CFAP299: variants seen among roughly 807,000 people sequenced by gnomAD.
CFAP299 encodes the protein cilia and flagella associated protein 299.
A neutral mutation model predicts 27.0 loss-of-function variants in CFAP299; 21 were observed. That is an observed-to-expected ratio of 0.78 (90% CI 0.55 to 1.12). CFAP299 has a LOEUF of 1.12. Ranked by LOEUF, CFAP299 falls within the 50% of genes most tolerant of loss-of-function variation. The pLI, the probability that CFAP299 is intolerant of heterozygous loss-of-function variation, is 0.00. For missense variants in CFAP299, 310 were observed against 276.6 expected (o/e 1.12, Z -0.86); for synonymous variants, 104 against 98.1 (o/e 1.06, Z -0.36).
At chr4:80,477,133 C>T (rs1248297823) in intron 2 of CFAP299, among the ~76,000 whole-genome samples, 1 of 152,090 alleles carries the variant, frequency 6.6e-6, no homozygotes, top group Admixed American at 6.5e-5. Flanking sequence ...TAGCTCACTG[C>T]AGCCTTGCAG....
intron 5 of CFAP299, among the ~76,000 whole-genome samples, chr4:80,953,125 A>C (rs1260855788): frequency 6.6e-6 from 1 of 152,224 alleles, no homozygotes; most frequent in Admixed American, 6.5e-5. Context: ...AAACAAGGTT[A>C]TGGCTTCCGC....
intron 2 of CFAP299, among the ~76,000 whole-genome samples, chr4:80,545,827 CAT>C (rs1384037427): frequency 6.6e-6 from 1 of 152,114 alleles, no homozygotes; most frequent in Non-Finnish European, 1.5e-5. Flanking sequence ...CTCTGATAAA[CAT>C]AGATGCAAAA....
intron 2 of CFAP299, among the ~76,000 whole-genome samples, chr4:80,551,936 A>C (rs1167176230): frequency 6.6e-6 from 1 of 152,024 alleles, no homozygotes; most frequent in Non-Finnish European, 1.5e-5. Flanking sequence ...TTCAGTAGAG[A>C]CAGGGTTTCA....
chr4:80,758,114 G>T (rs1725349819), intron 3 of CFAP299, among the ~76,000 whole-genome samples: 1 of 152,222 alleles, frequency 6.6e-6, no homozygotes, highest in African/African-American at 2.4e-5. Context: ...TGGAGTGTCA[G>T]TGTGACAGCC....
intron 3 of CFAP299, among the ~76,000 whole-genome samples, chr4:80,660,594 A>G (rs1740793372): frequency 6.6e-6 from 1 of 152,214 alleles, no homozygotes; most frequent in Admixed American, 6.5e-5. Flanking sequence ...TAAGTGTTTT[A>G]ATAAATTATT....
chr4:80,730,169 G>A lies in CFAP299; in HGVS notation c.334-139824G>A, dbSNP rs139162070. Among the ~76,000 whole-genome samples, 358 of 151,738 alleles carry A rather than the reference G, an allele frequency of 2.4e-3. 3 individuals carry two copies. Among genetic ancestry groups the A allele is most frequent in the African/African-American group, 8.0e-3 (332 of 41,370 alleles). On this transcript the variant is annotated intron_variant, in intron 3 of 5. Coordinates refer to ENST00000358105, the MANE Select transcript of CFAP299 (RefSeq NM_152770.3). ...CCATAATGCCCTGGACCCAATGGAG[G>A]CATTGCTCCACAGCTTCCTTCTCTT...
rs370155903 is a variant in CFAP299 at position 80,368,615 on chromosome 4, C to A, written c.242+5731C>A. Among the ~76,000 whole-genome samples, 11 of 151,628 alleles carry A rather than the reference C, an allele frequency of 7.3e-5. No individual in the cohort carries two copies. In the East Asian group the frequency reaches 9.7e-4, roughly 13 times the overall value. The stretch of plus-strand genomic sequence containing the variant: ...ACCAGCCTGGGCAACATAGTGAGAC[C>A]CCAAATCTTAAAAAAAAATTATGGT... On this transcript the variant is annotated intron_variant, in intron 2 of 5. Coordinates refer to ENST00000358105, the MANE Select transcript of CFAP299 (RefSeq NM_152770.3).
chr4:80,363,123 C>A (rs143720505), intron 2 of CFAP299, among the ~76,000 whole-genome samples: 2 of 152,110 alleles, frequency 1.3e-5, no homozygotes, highest in Non-Finnish European at 2.9e-5. Flanking sequence ...GTCATCATAC[C>A]AATAAAGTCT....
At chr4:80,690,189 A>G (rs1432307180) in intron 3 of CFAP299, among the ~76,000 whole-genome samples, 3 of 151,226 alleles carry the variant, frequency 2.0e-5, no homozygotes, top group Admixed American at 6.6e-5. Context: ...TGCACCAAGC[A>G]GATCTAATAG....
chr4:80,775,574 T>C (rs943011294), intron 3 of CFAP299, among the ~76,000 whole-genome samples: 1 of 151,980 alleles, frequency 6.6e-6, no homozygotes, highest in African/African-American at 2.4e-5. Flanking sequence ...TTCATCAAAG[T>C]AGTCTTTGCA....
At chr4:80,506,625 G>C (rs574629516) in intron 2 of CFAP299, among the ~76,000 whole-genome samples, 114 of 152,220 alleles carry the variant, frequency 7.5e-4, no homozygotes, top group African/African-American at 2.6e-3. Flanking sequence ...TATGCAAGAA[G>C]CCCTTAACTG....
intron 3 of CFAP299, among the ~76,000 whole-genome samples, chr4:80,640,247 A>G (rs937015937): frequency 9.2e-5 from 14 of 152,136 alleles, no homozygotes; most frequent in Non-Finnish European, 1.5e-4. Flanking sequence ...TGCTGGGGAA[A>G]TGGTAAGTCG....
At chr4:80,878,313 G>T (rs1361568255) in intron 4 of CFAP299, among the ~76,000 whole-genome samples, 1 of 151,940 alleles carries the variant, frequency 6.6e-6, no homozygotes, top group Non-Finnish European at 1.5e-5. Context: ...TTTCCTTGTG[G>T]TAATATCTGA....
intron 2 of CFAP299, among the ~76,000 whole-genome samples, chr4:80,552,774 T>C (rs1489658687): frequency 1.3e-5 from 2 of 152,022 alleles, no homozygotes; most frequent in Admixed American, 1.3e-4. Flanking sequence ...TGCAGCCTCA[T>C]ACTCCTTCAC....
intron 2 of CFAP299, among the ~76,000 whole-genome samples, chr4:80,567,407 C>T (rs1199907865): frequency 1.3e-5 from 2 of 151,994 alleles, no homozygotes; most frequent in Non-Finnish European, 2.9e-5. Context: ...CTTGGAATTT[C>T]CATGGAGATC....
intron 3 of CFAP299, among the ~76,000 whole-genome samples, chr4:80,811,651 T>C (rs1446732401): frequency 6.6e-6 from 1 of 152,094 alleles, no homozygotes; most frequent in Admixed American, 6.6e-5. Flanking sequence ...ACCTGGTCAG[T>C]TGTATCTGCT....
chr4:80,407,308 C>T lies in CFAP299; in HGVS notation c.242+44424C>T, dbSNP rs566015239. On this transcript the variant is annotated intron_variant, in intron 2 of 5. Transcript: ENST00000358105. Reference sequence around the variant, plus strand: ...AAACTCTGTGGCTTAAAACAACCACCATTTATTCAGCTCACAAGTGTATGG... The same window carrying T: ...AAACTCTGTGGCTTAAAACAACCACTATTTATTCAGCTCACAAGTGTATGG... Among the ~76,000 whole-genome samples the T allele has an allele frequency of 2.0e-5, 3 of 152,244 alleles. No individual in the cohort carries two copies. In the South Asian group the frequency reaches 6.2e-4, roughly 32 times the overall value.
intron 3 of CFAP299, among the ~76,000 whole-genome samples, chr4:80,594,052 A>T (rs1195016234): frequency 6.6e-6 from 1 of 152,204 alleles, no homozygotes; most frequent in Non-Finnish European, 1.5e-5. Flanking sequence ...TTAAATGCTC[A>T]TTCCTTTTCT....
At chr4:80,800,591 AAT>A (rs1407428411) in intron 3 of CFAP299, among the ~76,000 whole-genome samples, 3 of 89,514 alleles carry the variant, frequency 3.4e-5, no homozygotes, top group Non-Finnish European at 5.9e-5. Context: ...TATAATATAT[AAT>A]ATATTAATAT....
Sources: gnomAD v4.1 joint callset for allele counts (sites outside exome capture counted in the v4.1 genomes callset) on GRCh38, gnomAD v4.1.1 for gene constraint, MANE v1.5 for transcripts, NCBI Gene and HGNC (gene_info 2026-07-23, HGNC 2026-07-21) for gene names.